IRAG2: variants seen among roughly 807,000 people sequenced by gnomAD.
IRAG2 encodes the protein inositol 1,4,5-triphosphate receptor associated 2, also known as lymphoid restricted membrane protein.
Under a neutral mutation model 69.9 loss-of-function variants are expected in IRAG2, and 45 were observed. The observed-to-expected ratio is 0.64, with a 90% CI of 0.51 to 0.83. The LOEUF (loss-of-function observed/expected upper bound fraction) is 0.83. Among genes scored for constraint, IRAG2 ranks in the 40% least tolerant of loss-of-function variants. IRAG2 has a pLI of 0.00. For missense variants in IRAG2, 520 were observed against 587.0 expected, an observed-to-expected ratio of 0.89 and a Z score of 1.18; for synonymous variants, 193 against 202.4, an observed-to-expected ratio of 0.95 and a Z score of 0.40.
intron 10 of IRAG2, among the ~76,000 whole-genome samples, chr12:25,030,508 T>A (rs555829156): frequency 6.6e-6 from 1 of 152,126 alleles, no homozygotes; most frequent in East Asian, 1.9e-4. Flanking sequence ...TGCCTCAGCC[T>A]CCTGAGTAGC....
intron 16 of IRAG2, among the ~76,000 whole-genome samples, chr12:25,044,921 C>T (rs1326182368): frequency 1.3e-5 from 2 of 152,038 alleles, no homozygotes; most frequent in Admixed American, 6.6e-5. Flanking sequence ...ATGGACCTAA[C>T]ACAGAACATT....
intron 6 of IRAG2, among the ~76,000 whole-genome samples, chr12:25,018,767 A>T (rs1280648880): frequency 1.3e-5 from 2 of 152,240 alleles, no homozygotes; most frequent in Non-Finnish European, 1.5e-5. Flanking sequence ...ATCAGAAAGG[A>T]ATTAAGTAAC....
chr12:25,096,242 A>G (rs1592084994), intron 14 of IRAG2, among the ~76,000 whole-genome samples: 1 of 152,314 alleles, frequency 6.6e-6, no homozygotes, highest in Non-Finnish European at 1.5e-5. Context: ...TTTCTTAATG[A>G]TATACAAAAT....
chr12:25,008,467 A>G (rs1944449619), intron 2 of IRAG2, among the ~76,000 whole-genome samples: 1 of 152,094 alleles, frequency 6.6e-6, no homozygotes, highest in African/African-American at 2.4e-5. Flanking sequence ...GGCGGAGTGC[A>G]GTGCTTCAAG....
At chr12:25,029,713 C>T (rs374369250) in intron 9 of IRAG2, among the ~76,000 whole-genome samples, 20 of 151,496 alleles carry the variant, frequency 1.3e-4, no homozygotes, top group African/African-American at 4.4e-4. Context: ...GAGAGTCTTG[C>T]GCTGTCACCT....
At chr12:25,101,377 C>A in intron 16 of IRAG2, 52 bp downstream of exon 16, 2 of 1,352,318 alleles carry the variant, frequency 1.5e-6, no homozygotes, top group Non-Finnish European at 2.0e-6. Flanking sequence ...ACATTCTCCT[C>A]TTTTTTGCTA....
chr12:25,081,886 A>G (rs898383317), intron 9 of IRAG2, among the ~76,000 whole-genome samples: 3 of 152,140 alleles, frequency 2.0e-5, no homozygotes, highest in Admixed American at 1.3e-4. Context: ...GAAAAAAAGG[A>G]CAGAAAAAGT....
Position 25,099,271 on chromosome 12 carries a change from C to T in IRAG2, c.742-1907C>T, listed in dbSNP as rs538299123. Among the ~76,000 whole-genome samples, 7 of 152,208 alleles carry T rather than the reference C, an allele frequency of 4.6e-5. No individual in the cohort carries two copies. In the South Asian group the frequency reaches 1.5e-3, roughly 32 times the overall value. On this transcript the variant is annotated intron_variant, in intron 15 of 21. Transcript: ENST00000556887. ...ATTCAAAACTGACTGTTCATGGTCC[C>T]CCCACCAAACCTACCCCATGCATAA...
chr12:25,089,119 G>C (rs1428073035), intron 11 of IRAG2, among the ~76,000 whole-genome samples: 1 of 152,144 alleles, frequency 6.6e-6, no homozygotes, highest in African/African-American at 2.4e-5. Context: ...AATCATATGT[G>C]TAAAATGCTT....
chr12:25,037,743 G>A (rs1406583159), intron 15 of IRAG2, among the ~76,000 whole-genome samples: 2 of 152,270 alleles, frequency 1.3e-5, no homozygotes, highest in Middle Eastern at 3.4e-3. Flanking sequence ...GACATAATAG[G>A]CACTTTATAC....
chr12:25,080,684 G>A (rs1683163), intron 9 of IRAG2, among the ~76,000 whole-genome samples: 87,693 of 151,948 alleles, frequency 0.58, 25,594 homozygotes, highest in Admixed American at 0.67. Context: ...TTAACTCGAC[G>A]TTTAAGTTTG....
chr12:24,999,163 A>G, the IRAG2 span, among the ~76,000 whole-genome samples: 2 of 152,246 alleles, frequency 1.3e-5, no homozygotes, highest in African/African-American at 4.8e-5. Context: ...CATACGTAGT[A>G]GATTAACTCA....
At chr12:25,023,785 A>C in intron 7 of IRAG2, 5 of 619,530 alleles carry the variant, frequency 8.1e-6, no homozygotes, top group Non-Finnish European at 9.3e-6. Context: ...CAAAGTTGGT[A>C]GAGAATGTCA....
At position 25,104,351 on chromosome 12, in the gene IRAG2, CTTTA is replaced by C. The variant is rs1419604495; in HGVS notation, c.1047-5_1047-2del. On this transcript the variant is annotated splice_polypyrimidine_tract_variant and splice_region_variant and intron_variant, in intron 19 of 21. Coordinates refer to ENST00000556887, the MANE Select transcript of IRAG2 (RefSeq NM_001366544.2). ...TGATTTGACAAGTGGCTATAATCAT[CTTTA>C]TTTAGGCGTATTTTGGGGTCAAAGC... 4.5e-6 allele frequency: 7 copies of C among 1,561,832 alleles called. No individual in the cohort carries two copies. Among genetic ancestry groups the C allele is most frequent in the Non-Finnish European group, 6.2e-6 (7 of 1,132,428 alleles).
intron 1 of IRAG2, among the ~76,000 whole-genome samples, chr12:25,053,297 G>A (rs187360868): frequency 6.6e-6 from 1 of 151,160 alleles, no homozygotes; most frequent in Non-Finnish European, 1.5e-5. Flanking sequence ...CTTGCAAGTT[G>A]TTATATATTA....
intron 9 of IRAG2, among the ~76,000 whole-genome samples, chr12:25,027,576 A>T (rs990864631): frequency 6.6e-6 from 1 of 151,662 alleles, no homozygotes; most frequent in Non-Finnish European, 1.5e-5. Flanking sequence ...TTGTATTTTT[A>T]GTAGAGACCG....
Position 25,106,990 on chromosome 12 carries a change from C to T in IRAG2, c.1196C>T (p.Thr399Ile). 1 of 1,607,786 alleles carries T rather than the reference C, an allele frequency of 6.2e-7. No homozygotes were observed. The highest frequency in any genetic ancestry group is 8.5e-7 in the Non-Finnish European group (1 of 1,176,278). Reference sequence around the variant, plus strand: ...TCTGGAGAAGAAACAGTAGAAAGGACAAGGAAGCCAAGTCTTTCTGAAAAG... The same window carrying T: ...TCTGGAGAAGAAACAGTAGAAAGGATAAGGAAGCCAAGTCTTTCTGAAAAG... ...EPSGEETVER[T>I]RKPSLSEKKN... Residue 399 changes from threonine to isoleucine, a missense_variant, in exon 21 of 22, where the codon ACA (threonine) becomes ATA (isoleucine). Coordinates refer to ENST00000556887, the MANE Select transcript of IRAG2 (RefSeq NM_001366544.2).
rs939354784 is a variant in IRAG2 at position 25,006,698 on chromosome 12, A to G, written c.688+1344A>G. On this transcript the variant is annotated intron_variant, in intron 2 of 38. Coordinates refer to the IRAG2 transcript ENST00000636465. ...GTATATACATGGAAACAAAGATGGGAACAATAGGTATGGGGACTACTTGAG... is the reference window on the plus strand; with the variant it reads ...GTATATACATGGAAACAAAGATGGGGACAATAGGTATGGGGACTACTTGAG... Among the ~76,000 whole-genome samples the G allele has an allele frequency of 4.6e-5, 7 of 152,194 alleles. No individual in the cohort carries two copies. In the East Asian group the frequency reaches 1.2e-3, roughly 25 times the overall value.
Position 25,004,520 on chromosome 12 carries a change from T to A in IRAG2, c.179T>A (p.Val60Glu), listed in dbSNP as rs953055323. 3.2e-6 allele frequency: 4 copies of A among 1,231,724 alleles called. No individual in the cohort carries two copies. The African/African-American group carries it at 6.2e-5, about 19-fold the overall frequency. 76.3% of individuals were successfully genotyped at this position (1,231,724 alleles called of 1,614,324 possible). Residue 60 changes from valine (V) to glutamate (E), a missense_variant, in exon 1 of 39, where the codon GTA becomes GAA. By Grantham distance (121) the Val-to-Glu change is moderately radical (BLOSUM62 -2). Coordinates refer to the IRAG2 transcript ENST00000636465. ...AACACCAAGAAATATTTTGAAGAGG[T>A]ACTGAGGAAAATGACTGCTGCTTGT...
Sources: gnomAD v4.1 joint callset for allele counts (sites outside exome capture counted in the v4.1 genomes callset) on GRCh38, gnomAD v4.1.1 for gene constraint, MANE v1.5 for transcripts, NCBI Gene and HGNC (gene_info 2026-07-23, HGNC 2026-07-21) for gene names.